The following KCNT2 variants were observed in gnomAD, a reference collection of about 807,000 sequenced individuals.
The protein encoded by KCNT2 is potassium channel subfamily T member 2.
In KCNT2, 67 loss-of-function variants were observed where a neutral mutation model predicts 153.8. The ratio of observed to expected loss-of-function variants is 0.44; its 90% confidence interval spans 0.36 to 0.53. The LOEUF (loss-of-function observed/expected upper bound fraction) is 0.53, where lower values mean the gene tolerates loss of function less well. KCNT2 is among the 20% of genes least tolerant of loss of function. The pLI is 0.00. For missense variants in KCNT2, 975 were observed against 1,354.8 expected (o/e 0.72, Z 4.40); for synonymous variants, 500 against 458.8 (o/e 1.09, Z -1.15).
intron 25 of KCNT2, among the ~76,000 whole-genome samples, chr1:196,264,047 A>T (rs557854237): frequency 2.0e-5 from 3 of 151,538 alleles, no homozygotes; most frequent in East Asian, 3.9e-4. Flanking sequence ...ATTCTTTCTC[A>T]TCCTGCTGGT....
In KCNT2 at chr1:196,428,157, A is replaced by G; in HGVS notation, c.932T>C (p.Ile311Thr). 1.2e-6 allele frequency: 2 copies of G among 1,612,596 alleles called. No individual in the cohort carries two copies. The highest frequency in any genetic ancestry group is 1.7e-6 in the Non-Finnish European group (2 of 1,179,064). Residue 311 changes from isoleucine (I) to threonine (T), a missense_variant, in exon 10 of 28, where the codon ATT becomes ACT. Transcript: ENST00000294725. ...ATTTAAAAAATCCATAAGTAAATCA[A>G]TCTTCAGTGAGCTGACACACAGGAC... ...HVVLCVSSLK[I>T]DLLMDFLNEF...
chr1:196,250,328 A>C (rs1009395794), intron 26 of KCNT2, among the ~76,000 whole-genome samples: 2 of 152,126 alleles, frequency 1.3e-5, no homozygotes, highest in African/African-American at 4.8e-5. Context: ...CAGAAACAAA[A>C]CCAGATATCA....
chr1:196,515,008 C>A (rs1681935559), intron 1 of KCNT2, among the ~76,000 whole-genome samples: 1 of 152,122 alleles, frequency 6.6e-6, no homozygotes, highest in Admixed American at 6.5e-5. Flanking sequence ...GACATTCAGC[C>A]TCTTGACATA....
At chr1:196,562,795 A>T (rs1268805458) in intron 1 of KCNT2, among the ~76,000 whole-genome samples, 1 of 151,912 alleles carries the variant, frequency 6.6e-6, no homozygotes, top group Non-Finnish European at 1.5e-5. Flanking sequence ...CGCTATTGAC[A>T]AAAGTAAACA....
At chr1:196,606,185 G>T (rs989629146) in intron 1 of KCNT2, among the ~76,000 whole-genome samples, 1 of 152,142 alleles carries the variant, frequency 6.6e-6, no homozygotes, top group African/African-American at 2.4e-5. Flanking sequence ...TTATAAGGTA[G>T]ACAGTATAAT....
chr1:196,329,388 C>A (rs1232750482), intron 18 of KCNT2, among the ~76,000 whole-genome samples: 5 of 152,030 alleles, frequency 3.3e-5, no homozygotes, highest in Admixed American at 1.3e-4. Flanking sequence ...AGTTAATAGT[C>A]CTTTGATATT....
At position 196,429,683 on chromosome 1, in the gene KCNT2, A is replaced by T; in HGVS notation, c.713T>A (p.Val238Glu). The T allele has an allele frequency of 6.2e-7, 1 of 1,612,930 alleles. No homozygotes were observed. The highest frequency in any genetic ancestry group is 2.2e-5 in the East Asian group (1 of 44,654). ...NLFDSLYFCIVTFSTVGFGDV... is the reference protein window; with the variant it reads ...NLFDSLYFCIETFSTVGFGDV... ...CCCGAAGCCCACAGTAGAAAACGTC[A>T]CAATGCAGAAATAAAGGGAGTCAAA... The change falls in exon 9 of 28, where the codon GTG (valine) becomes GAG (glutamate). Residue 238 changes from valine to glutamate, a missense_variant. Physicochemically the swap from Val to Glu is moderately radical, Grantham distance 121. Transcript: ENST00000294725.
intron 24 of KCNT2, 102 bp from the exon 25 acceptor site, chr1:196,281,090 TCTCA>T: frequency 1.2e-6 from 1 of 840,000 alleles, no homozygotes; most frequent in Non-Finnish European, 1.9e-6. Flanking sequence ...GGGGGCAGGG[TCTCA>T]CTCTGTCACC....
intron 1 of KCNT2, among the ~76,000 whole-genome samples, chr1:196,592,213 T>A (rs1663445081): frequency 6.6e-6 from 1 of 151,942 alleles, no homozygotes; most frequent in South Asian, 2.1e-4. Flanking sequence ...TCATTTGCAA[T>A]AACATGGATG....
intron 22 of KCNT2, among the ~76,000 whole-genome samples, chr1:196,290,940 C>T (rs1456286931): frequency 1.3e-5 from 2 of 152,068 alleles, no homozygotes; most frequent in Non-Finnish European, 2.9e-5. Flanking sequence ...GCCATGACTC[C>T]CCATTCACTG....
Position 196,428,276 on chromosome 1 carries a change from TA to T in KCNT2, c.820-8del. The stretch of plus-strand genomic sequence containing the variant: ...AATAAGCCAGCTGTTCAAACTGTAA[TA>T]TATTTTCCACATGTGAATGAAAAAC... On this transcript the variant is annotated splice_region_variant and splice_polypyrimidine_tract_variant and intron_variant, in intron 9 of 27. Coordinates refer to ENST00000294725, the MANE Select transcript of KCNT2 (RefSeq NM_198503.5). 6.2e-7 allele frequency: 1 copy of T among 1,606,224 alleles called. No individual in the cohort carries two copies. The highest frequency in any genetic ancestry group is 8.5e-7 in the Non-Finnish European group (1 of 1,173,960).
chr1:196,454,858 C>T (rs991459169), intron 8 of KCNT2, among the ~76,000 whole-genome samples: 4 of 151,968 alleles, frequency 2.6e-5, no homozygotes, highest in African/African-American at 9.7e-5. Context: ...CTATGAGTTT[C>T]CCAAGGCAGA....
At chr1:196,242,222 T>C (rs1294159585) in intron 26 of KCNT2, among the ~76,000 whole-genome samples, 1 of 152,118 alleles carries the variant, frequency 6.6e-6, no homozygotes, top group East Asian at 1.9e-4. Context: ...ATAGTGTACA[T>C]TTATATTTAA....
At chr1:196,375,195 A>G (rs1377249133) in intron 13 of KCNT2, among the ~76,000 whole-genome samples, 1 of 151,786 alleles carries the variant, frequency 6.6e-6, no homozygotes, top group East Asian at 1.9e-4. Flanking sequence ...TGTTTCAAAA[A>G]CTGTACTAAT....
At chr1:196,602,147 A>C (rs1465668218) in intron 1 of KCNT2, among the ~76,000 whole-genome samples, 1 of 152,206 alleles carries the variant, frequency 6.6e-6, no homozygotes, top group African/African-American at 2.4e-5. Flanking sequence ...TCCAAATTTA[A>C]AACTCAGAAA....
chr1:196,233,473 T>A (rs1256840282), intron 27 of KCNT2, among the ~76,000 whole-genome samples: 1 of 151,442 alleles, frequency 6.6e-6, no homozygotes, highest in Non-Finnish European at 1.5e-5. Flanking sequence ...ACACTAATTA[T>A]TCTACTGTTT....
chr1:196,389,187 A>G (rs1395029571), intron 13 of KCNT2, among the ~76,000 whole-genome samples: 1 of 151,732 alleles, frequency 6.6e-6, no homozygotes. Flanking sequence ...GATAAACCCA[A>G]CTAGGTAACA....
At position 196,326,926 on chromosome 1, in the gene KCNT2, G is replaced by T. The variant is rs762475892; in HGVS notation, c.2104-37C>A. 9 of 1,185,160 alleles carry T rather than the reference G, an allele frequency of 7.6e-6. 1 individual carries two copies. Among genetic ancestry groups the T allele is most frequent in the Non-Finnish European group, 7.1e-6 (6 of 849,002 alleles). The allele number at this position is 1,185,160 out of a possible 1,614,324, so 73.4% of individuals were successfully genotyped here. On this transcript the variant is annotated intron_variant, in intron 18 of 27. Transcript: ENST00000294725. ...AAAGTATACATTGAAATGCCATTTGGATACTTCATTAAAATTTGGAGAAAA... is the reference window on the plus strand; with the variant it reads ...AAAGTATACATTGAAATGCCATTTGTATACTTCATTAAAATTTGGAGAAAA...
intron 1 of KCNT2, among the ~76,000 whole-genome samples, chr1:196,564,539 A>C (rs1659842933): frequency 6.6e-6 from 1 of 151,912 alleles, no homozygotes; most frequent in African/African-American, 2.4e-5. Flanking sequence ...ACAAAAAGTC[A>C]ACTCAATCTT....
Sources: allele counts gnomAD v4.1 joint callset (sites outside exome capture counted in the v4.1 genomes callset), GRCh38; gene constraint gnomAD v4.1.1; transcripts MANE v1.5; gene names NCBI Gene and HGNC (gene_info 2026-07-23, HGNC 2026-07-21).